Variants in GJB7 observed in about 807,000 individuals in gnomAD.
The protein encoded by GJB7 is gap junction beta-7 protein.
For missense variants in GJB7, 253 were observed against 256.8 expected, an observed-to-expected ratio of 0.99 and a Z score of 0.10; for synonymous variants, 87 against 95.2, an observed-to-expected ratio of 0.91 and a Z score of 0.50.
At chr6:87,307,134 C>T (rs1358304324) in intron 2 of GJB7, among the ~76,000 whole-genome samples, 1 of 151,284 alleles carries the variant, frequency 6.6e-6, no homozygotes, top group Middle Eastern at 3.4e-3. Flanking sequence ...TGTAACTAAC[C>T]TGCACATTGT....
chr6:87,310,840 T>A (rs1776505683), intron 2 of GJB7, among the ~76,000 whole-genome samples: 1 of 152,138 alleles, frequency 6.6e-6, no homozygotes, highest in African/African-American at 2.4e-5. Flanking sequence ...TGTATAAGAA[T>A]TAACTCAAAA....
intron 2 of GJB7, among the ~76,000 whole-genome samples, chr6:87,306,474 G>C (rs1333953449): frequency 2.0e-5 from 3 of 152,270 alleles, no homozygotes; most frequent in Non-Finnish European, 4.4e-5. Flanking sequence ...ACCACAATGA[G>C]ATACCATCTC....
chr6:87,307,875 G>C (rs1180910693), intron 2 of GJB7, among the ~76,000 whole-genome samples: 2 of 151,940 alleles, frequency 1.3e-5, no homozygotes, highest in Non-Finnish European at 2.9e-5. Flanking sequence ...CCCATTACTG[G>C]GTATATACCC....
At chr6:87,288,424 G>A (rs979181857) in intron 2 of GJB7, among the ~76,000 whole-genome samples, 40 of 152,044 alleles carry the variant, frequency 2.6e-4, no homozygotes, top group African/African-American at 9.4e-4. Flanking sequence ...TTACCATGTC[G>A]GAAAATCATA....
At chr6:87,325,902 C>T (rs1776808464) in intron 1 of GJB7, among the ~76,000 whole-genome samples, 1 of 152,128 alleles carries the variant, frequency 6.6e-6, no homozygotes, top group South Asian at 2.1e-4. Context: ...CTCCTGGACT[C>T]TTTTTGGTTG....
chr6:87,323,342 T>C (rs918538906), intron 1 of GJB7, among the ~76,000 whole-genome samples: 1 of 152,182 alleles, frequency 6.6e-6, no homozygotes, highest in Non-Finnish European at 1.5e-5. Flanking sequence ...GTTACATATG[T>C]ATACATGTGC....
chr6:87,311,922 G>A (rs891904912), intron 2 of GJB7, among the ~76,000 whole-genome samples: 1 of 151,986 alleles, frequency 6.6e-6, no homozygotes, highest in Non-Finnish European at 1.5e-5. Context: ...GACATCAATG[G>A]GAATGAATAA....
chr6:87,323,331 A>T (rs184606930), intron 1 of GJB7, among the ~76,000 whole-genome samples: 1 of 152,268 alleles, frequency 6.6e-6, no homozygotes, highest in African/African-American at 2.4e-5. Context: ...TGTGCAGGTT[A>T]GTTACATATG....
At chr6:87,291,628 C>G (rs1776175156) in intron 2 of GJB7, among the ~76,000 whole-genome samples, 2 of 152,174 alleles carry the variant, frequency 1.3e-5, no homozygotes, top group South Asian at 4.1e-4. Context: ...TCTGAAAGCT[C>G]TAGAGTCAAC....
rs577101201 is a variant in GJB7 at position 87,328,860 on chromosome 6, G to A, written c.-206+278C>T. Among the ~76,000 whole-genome samples the A allele has an allele frequency of 4.1e-4, 62 of 152,146 alleles. No homozygotes were observed. In the East Asian group the frequency reaches 4.8e-3, roughly 12 times the overall value. On this transcript the variant is annotated intron_variant, in intron 1 of 2. Transcript: ENST00000525899. Reference sequence around the variant, plus strand: ...GCGCCCCTCCCCCAGCCTCACTGCCGCCTTGCAGTTTGATCTCAGACTGCT... The same window carrying A: ...GCGCCCCTCCCCCAGCCTCACTGCCACCTTGCAGTTTGATCTCAGACTGCT...
At chr6:87,305,144 C>T (rs1776403790) in intron 2 of GJB7, among the ~76,000 whole-genome samples, 1 of 152,184 alleles carries the variant, frequency 6.6e-6, no homozygotes, top group Non-Finnish European at 1.5e-5. Flanking sequence ...CTCACCACTC[C>T]TATTCAACAT....
At chr6:87,312,648 T>G (rs1169931265) in intron 2 of GJB7, among the ~76,000 whole-genome samples, 2 of 152,120 alleles carry the variant, frequency 1.3e-5, no homozygotes, top group Admixed American at 6.6e-5. Flanking sequence ...GAAGAGAATC[T>G]CTTACAAGTA....
At chr6:87,287,105 CT>C (rs1446707917) in intron 2 of GJB7, among the ~76,000 whole-genome samples, 1 of 152,210 alleles carries the variant, frequency 6.6e-6, no homozygotes, top group Admixed American at 6.5e-5. Flanking sequence ...CAAATGTCCC[CT>C]GGAGAGAGAA....
At chr6:87,296,509 A>G (rs1162073002) in intron 2 of GJB7, among the ~76,000 whole-genome samples, 1 of 152,222 alleles carries the variant, frequency 6.6e-6, no homozygotes, top group Non-Finnish European at 1.5e-5. Context: ...TTGCAACTAT[A>G]TCTTCATTAT....
At chr6:87,320,030 G>C (rs1562217166) in intron 2 of GJB7, among the ~76,000 whole-genome samples, 1 of 152,182 alleles carries the variant, frequency 6.6e-6, no homozygotes, top group African/African-American at 2.4e-5. Flanking sequence ...AGTGGGGATG[G>C]GGGGAGTGGG....
In GJB7 at chr6:87,284,737, C is replaced by G; in HGVS notation, c.176G>C (p.Gly59Ala). 1 of 1,614,104 alleles carries G rather than the reference C, an allele frequency of 6.2e-7. No individual in the cohort carries two copies. The highest frequency in any genetic ancestry group is 1.3e-5 in the African/African-American group (1 of 75,024). ...GTCATCAAAACACACATTTTTGCAA[C>G]CGGGCTGTCTACTGTTGCACTCAAA... Reference protein sequence around the residue: ...KEFECNSRQPGCKNVCFDDFF... With the variant: ...KEFECNSRQPACKNVCFDDFF... Residue 59 changes from glycine to alanine, a missense_variant, in exon 3 of 3, where the codon GGT (glycine) becomes GCT (alanine). Physicochemically the swap from Gly to Ala is moderately conservative, Grantham distance 60. Transcript: ENST00000525899.
chr6:87,301,409 C>T (rs77468664), intron 2 of GJB7, among the ~76,000 whole-genome samples: 2,234 of 152,308 alleles, frequency 0.015, 58 homozygotes, highest in African/African-American at 0.05. Flanking sequence ...GAGAGTCCCA[C>T]ACCCACGGAG....
At chr6:87,328,074 C>G (rs866251201) in intron 1 of GJB7, among the ~76,000 whole-genome samples, 1 of 152,186 alleles carries the variant, frequency 6.6e-6, no homozygotes, top group Non-Finnish European at 1.5e-5. Context: ...GCATTCTTCA[C>G]GTAGTTCTTG....
At chr6:87,328,178 A>G (rs986356803) in intron 1 of GJB7, among the ~76,000 whole-genome samples, 6 of 152,170 alleles carry the variant, frequency 3.9e-5, no homozygotes, top group African/African-American at 1.4e-4. Flanking sequence ...CAAAGTTTTC[A>G]ACTTCTTTGC....
Sources: gnomAD v4.1 joint callset for allele counts (sites outside exome capture counted in the v4.1 genomes callset) on GRCh38, gnomAD v4.1.1 for gene constraint, MANE v1.5 for transcripts, NCBI Gene and HGNC (gene_info 2026-07-23, HGNC 2026-07-21) for gene names.